ZNF678: variants seen among roughly 807,000 people sequenced by gnomAD.
The protein encoded by ZNF678 is hypothetical protein MGC42493.
A neutral mutation model predicts 3.0 loss-of-function variants in ZNF678; 5 were observed. That is an observed-to-expected ratio of 1.69 (90% CI 0.88 to 3.56). The LOEUF is 3.56. Among genes scored for constraint, ZNF678 ranks in the 30% most tolerant of loss-of-function variants. The pLI is 0.00. For synonymous variants in ZNF678, 218 were observed against 199.6 expected, an observed-to-expected ratio of 1.09 and a Z score of -0.78; for missense variants, 593 against 605.0, an observed-to-expected ratio of 0.98 and a Z score of 0.21.
chr1:227,596,599 T>G lies in ZNF678; in HGVS notation c.-164+32875T>G, dbSNP rs142040740. 3.4e-3 allele frequency among the ~76,000 whole-genome samples: 517 copies of G among 152,318 alleles called. 12 individuals carry two copies. Among genetic ancestry groups the G allele is most frequent in the South Asian group, 0.029 (140 of 4,826 alleles). ...CTGCCTTTTAGTTTTTACTTCTTCT[T>G]TCTTTGGAGGCAGAAATTGGGCATA... On this transcript the variant is annotated intron_variant, in intron 1 of 3. Transcript: ENST00000343776.
chr1:227,575,785 A>G (rs780373046), intron 1 of ZNF678, among the ~76,000 whole-genome samples: 1 of 152,112 alleles, frequency 6.6e-6, no homozygotes, highest in Non-Finnish European at 1.5e-5. Flanking sequence ...ACTATGTTGA[A>G]TAGGAGTGGT....
At chr1:227,642,899 A>G (rs911599857) in intron 1 of ZNF678, among the ~76,000 whole-genome samples, 1 of 152,212 alleles carries the variant, frequency 6.6e-6, no homozygotes, top group African/African-American at 2.4e-5. Flanking sequence ...CTGGAGATGC[A>G]AACTAATATA....
intron 1 of ZNF678, among the ~76,000 whole-genome samples, chr1:227,643,129 T>C (rs1658862975): frequency 6.6e-6 from 1 of 152,108 alleles, no homozygotes; most frequent in Non-Finnish European, 1.5e-5. Context: ...CTGATGTCAC[T>C]ACCTGAATGG....
rs761389569 is a variant in ZNF678, at chr1:227,654,829, G to A, written c.579G>A (p.Trp193Ter). Residue 193 changes from tryptophan to a stop codon, truncating the protein, a stop_gained, in exon 4 of 4, where the codon TGG (tryptophan) becomes TGA (stop). Coordinates refer to ENST00000343776, the MANE Select transcript of ZNF678 (RefSeq NM_001367909.1). LOFTEE classifies it low-confidence loss of function (END_TRUNC). ...CDECDKVFNW[W>*]SQLTSHKKIH... is the part of the protein sequence containing the mutation. ...AATGTGACAAAGTTTTTAATTGGTG[G>A]TCACAACTAACTAGCCATAAGAAAA... 2.5e-6 allele frequency: 4 copies of A among 1,605,780 alleles called. No homozygotes were observed. Among genetic ancestry groups the A allele is most frequent in the South Asian group, 2.2e-5 (2 of 90,758 alleles).
At chr1:227,605,545 T>C (rs10916173) in intron 1 of ZNF678, among the ~76,000 whole-genome samples, 32,871 of 152,078 alleles carry the variant, frequency 0.22, 4,036 homozygotes, top group African/African-American at 0.33. Context: ...CACTAAGTAA[T>C]ATTTACCGTA....
chr1:227,658,864 G>A lies in ZNF678; in HGVS notation c.*3036G>A, dbSNP rs1345899290. 1 of 151,994 alleles carries A rather than the reference G, an allele frequency of 6.6e-6. No homozygotes were observed. Among genetic ancestry groups the A allele is most frequent in the Non-Finnish European group, 1.5e-5 (1 of 67,940 alleles). 9.4% of individuals were successfully genotyped at this position (151,994 alleles called of 1,614,324 possible). A position where few individuals can be genotyped will look rare whatever the true frequency, so the allele number is the denominator to read the frequency against. ...TTCTACCACAAAATATAGTAAACAT[G>A]AAATCAGTTAGAATAGGTAAAGCAT... On this transcript the variant is annotated 3_prime_UTR_variant, in exon 4 of 4. Coordinates refer to ENST00000343776, the MANE Select transcript of ZNF678 (RefSeq NM_001367909.1).
chr1:227,563,676 TG>T lies in ZNF678; in HGVS notation c.-209del. ...TGGTTTCCCTGTGACCTGCAGGTAC[TG>T]GGAGTTACATAGCTAAGATGCCAGG... is the stretch of plus-strand genomic sequence containing the variant. On this transcript the variant is annotated 5_prime_UTR_variant, in exon 1 of 4. Transcript: ENST00000343776. The T allele has an allele frequency of 7.5e-7, 1 of 1,330,494 alleles. No homozygotes were observed. Among genetic ancestry groups the T allele is most frequent in the Admixed American group, 2.1e-5 (1 of 47,016 alleles). 82.4% of individuals were successfully genotyped at this position (1,330,494 alleles called of 1,614,324 possible).
chr1:227,648,286 T>A (rs1343246784), intron 2 of ZNF678, among the ~76,000 whole-genome samples: 2 of 152,210 alleles, frequency 1.3e-5, no homozygotes, highest in South Asian at 4.1e-4. Flanking sequence ...TTATTTACTA[T>A]AAAGCTTACT....
downstream of ZNF678, among the ~76,000 whole-genome samples, chr1:227,678,333 A>G (rs2102824373): frequency 6.6e-6 from 1 of 152,296 alleles, no homozygotes; most frequent in East Asian, 1.9e-4. Flanking sequence ...CTATACCAGG[A>G]CAAGGATGCA....
chr1:227,677,827 C>G (rs1386757311), downstream of ZNF678, among the ~76,000 whole-genome samples: 1 of 152,210 alleles, frequency 6.6e-6, no homozygotes, highest in Non-Finnish European at 1.5e-5. Context: ...GAATAGGTAA[C>G]TCTGAGCTGG....
intron 1 of ZNF678, among the ~76,000 whole-genome samples, chr1:227,610,499 G>C (rs577079338): frequency 1.3e-5 from 2 of 152,284 alleles, no homozygotes; most frequent in African/African-American, 2.4e-5. Context: ...CACATACCCA[G>C]TGTAGTTCAC....
intron 1 of ZNF678, among the ~76,000 whole-genome samples, chr1:227,583,020 T>G (rs1172200866): frequency 2.0e-4 from 31 of 152,342 alleles, no homozygotes; most frequent in Non-Finnish European, 1.3e-4. Context: ...CTTAGAAACC[T>G]AAAGCACTGG....
chr1:227,633,095 G>A (rs1409166375), intron 1 of ZNF678, among the ~76,000 whole-genome samples: 4 of 152,136 alleles, frequency 2.6e-5, no homozygotes, highest in African/African-American at 9.7e-5. Context: ...CACCTCACTG[G>A]ATCAGAATTG....
At chr1:227,666,214 A>G (rs977975473), downstream of ZNF678, among the ~76,000 whole-genome samples, 8 of 152,196 alleles carry the variant, frequency 5.3e-5, no homozygotes, top group African/African-American at 1.9e-4. Flanking sequence ...TCATTAATGT[A>G]TACTCATCTT....
chr1:227,621,504 C>T (rs1354670543), intron 1 of ZNF678, among the ~76,000 whole-genome samples: 2 of 152,048 alleles, frequency 1.3e-5, no homozygotes, highest in Admixed American at 1.3e-4. Flanking sequence ...CTTTTGATGC[C>T]CACCTGTGTC....
In ZNF678 at chr1:227,646,682, T is replaced by C. The variant is rs780737721; in HGVS notation, c.-37+12T>C. 1 of 1,369,714 alleles carries C rather than the reference T, an allele frequency of 7.3e-7. No homozygotes were observed. The highest frequency in any genetic ancestry group is 4.5e-5 in the East Asian group (1 of 22,184). 84.8% of individuals were successfully genotyped at this position (1,369,714 alleles called of 1,614,324 possible). On this transcript the variant is annotated intron_variant, in intron 2 of 3. Coordinates refer to ENST00000343776, the MANE Select transcript of ZNF678 (RefSeq NM_001367909.1). ...CCTGGTCTCCCTGGGTGAGGATAAC[T>C]TCAATACACAATTTATGTATTTCAT...
intron 5 of ZNF678, among the ~76,000 whole-genome samples, chr1:227,674,911 C>A (rs1328403560): frequency 1.3e-5 from 2 of 152,164 alleles, no homozygotes; most frequent in Non-Finnish European, 2.9e-5. Context: ...TTTCTATCTA[C>A]AATTGAAATT....
intron 1 of ZNF678, among the ~76,000 whole-genome samples, chr1:227,565,494 T>G (rs1414434802): frequency 6.6e-6 from 1 of 152,102 alleles, no homozygotes; most frequent in African/African-American, 2.4e-5. Context: ...GTGGCTAGGC[T>G]TAAATGTGTG....
chr1:227,603,794 G>A (rs890669981), intron 1 of ZNF678, among the ~76,000 whole-genome samples: 59 of 152,304 alleles, frequency 3.9e-4, no homozygotes, highest in African/African-American at 1.4e-3. Context: ...GTGCCTCTTA[G>A]AAGCCTGATT....
Sources: allele counts gnomAD v4.1 joint callset (sites outside exome capture counted in the v4.1 genomes callset), GRCh38; gene constraint gnomAD v4.1.1; transcripts MANE v1.5; gene names NCBI Gene and HGNC (gene_info 2026-07-23, HGNC 2026-07-21).